DNAH8: variants seen among roughly 807,000 people sequenced by gnomAD.
DNAH8 encodes axonemal beta dynein heavy chain 8.
DNAH8 carries 382 observed loss-of-function variants against 562.1 expected under a neutral mutation model. The ratio of observed to expected loss-of-function variants is 0.68; its 90% confidence interval spans 0.63 to 0.74. DNAH8 has a LOEUF of 0.74. DNAH8 is among the 30% of genes least tolerant of loss of function. The pLI is 0.00. For missense variants in DNAH8, 5,203 were observed against 5,620.4 expected (o/e 0.93, Z 2.37); for synonymous variants, 1,881 against 1,919.4 (o/e 0.98, Z 0.52).
intron 79 of DNAH8, among the ~76,000 whole-genome samples, chr6:38,944,980 C>T (rs1583424756): frequency 6.6e-6 from 1 of 151,792 alleles, no homozygotes; most frequent in African/African-American, 2.4e-5. Context: ...AACCCTAACC[C>T]TAACCCTAAC....
rs115600936 is a variant in DNAH8, at chr6:39,001,681, T to A, written c.13215-7133T>A. ...AAGCTGGAGATAGAAAAAGGCTTAG[T>A]GATGAAAAAGGTTTGTATGCCATGT... is the stretch of plus-strand genomic sequence containing the variant. On this transcript the variant is annotated intron_variant, in intron 88 of 92. Coordinates refer to ENST00000327475, the MANE Select transcript of DNAH8 (RefSeq NM_001206927.2). Among the ~76,000 whole-genome samples the A allele has an allele frequency of 1.9e-3, 292 of 152,150 alleles. 3 individuals are homozygous for A. Among genetic ancestry groups the A allele is most frequent in the African/African-American group, 6.8e-3 (282 of 41,516 alleles).
chr6:38,732,436 C>T (rs892944836), intron 4 of DNAH8, among the ~76,000 whole-genome samples: 1 of 152,134 alleles, frequency 6.6e-6, no homozygotes, highest in African/African-American at 2.4e-5. Context: ...CCTGTGGAGC[C>T]TCTATGAATG....
chr6:38,936,024 A>ATTT (rs397958545), intron 77 of DNAH8, among the ~76,000 whole-genome samples: 1 of 140,100 alleles, frequency 7.1e-6, no homozygotes, highest in Non-Finnish European at 1.6e-5. Flanking sequence ...TGCTCAATCT[A>ATTT]TTTTTTTTTT....
intron 12 of DNAH8, among the ~76,000 whole-genome samples, chr6:38,774,617 G>A (rs1582969022): frequency 6.6e-6 from 1 of 152,172 alleles, no homozygotes; most frequent in Admixed American, 6.5e-5. Flanking sequence ...CAAAATAGAG[G>A]ACATGTTAGT....
chr6:38,834,648 C>T lies in DNAH8; in HGVS notation c.4365+7C>T. 4.4e-6 allele frequency: 7 copies of T among 1,602,216 alleles called. No individual in the cohort carries two copies. The highest frequency in any genetic ancestry group is 6.0e-6 in the Non-Finnish European group (7 of 1,173,824). On this transcript the variant is annotated splice_region_variant and intron_variant, in intron 32 of 92. Transcript: ENST00000327475. ...CAGGCTACAGATATTTCAGGTGAAA[C>T]CACATTTTTTTTGTTACATCGACAA...
chr6:38,750,355 A>T (rs1422083294), intron 8 of DNAH8, 121 bp from the exon 9 acceptor site: 1 of 516,608 alleles, frequency 1.9e-6, no homozygotes, highest in African/African-American at 2.0e-5. Context: ...TATATTAATC[A>T]CACTTAAATA....
chr6:39,012,754 C>A, intron 91 of DNAH8, 117 bp downstream of exon 91: 2 of 704,392 alleles, frequency 2.8e-6, no homozygotes, highest in Non-Finnish European at 4.9e-6. Context: ...CTGGGTGCTG[C>A]ACATAGCCAT....
intron 57 of DNAH8, among the ~76,000 whole-genome samples, chr6:38,888,808 C>T (rs779079890): frequency 6.6e-6 from 1 of 152,174 alleles, no homozygotes; most frequent in Non-Finnish European, 1.5e-5. Context: ...TGCTACAAAC[C>T]CTTTGGATAA....
At chr6:38,954,890 A>C (rs1453526218) in intron 82 of DNAH8, among the ~76,000 whole-genome samples, 3 of 152,190 alleles carry the variant, frequency 2.0e-5, no homozygotes, top group Non-Finnish European at 4.4e-5. Context: ...GGCTTGGATA[A>C]TTTTCTGATA....
intron 42 of DNAH8, among the ~76,000 whole-genome samples, chr6:38,860,026 TACTC>T (rs1347584279): frequency 6.6e-6 from 1 of 152,194 alleles, no homozygotes; most frequent in East Asian, 1.9e-4. Flanking sequence ...CTATAGCACT[TACTC>T]TTCCCACACC....
rs16890981 is a variant in DNAH8, at chr6:38,750,161, T to C, written c.1294-315T>C. Among the ~76,000 whole-genome samples, 412 of 152,324 alleles carry C rather than the reference T, an allele frequency of 2.7e-3. 3 individuals carry two copies. Among genetic ancestry groups the C allele is most frequent in the African/African-American group, 9.6e-3 (400 of 41,564 alleles). ...TGTTCTGTTTTAATAACTTGACCCATTCTTGAAGACCCAGAGTAATATAAT... is the reference window on the plus strand; with the variant it reads ...TGTTCTGTTTTAATAACTTGACCCACTCTTGAAGACCCAGAGTAATATAAT... On this transcript the variant is annotated intron_variant, in intron 8 of 92. Coordinates refer to ENST00000327475, the MANE Select transcript of DNAH8 (RefSeq NM_001206927.2).
At chr6:38,936,722 G>T (rs951672920) in intron 77 of DNAH8, among the ~76,000 whole-genome samples, 43 of 152,226 alleles carry the variant, frequency 2.8e-4, no homozygotes, top group African/African-American at 1.0e-3. Context: ...CAGAGCTGAG[G>T]GCTGCTCCCC....
At chr6:38,769,795 T>C (rs1386038899) in intron 11 of DNAH8, among the ~76,000 whole-genome samples, 1 of 152,244 alleles carries the variant, frequency 6.6e-6, no homozygotes, top group Non-Finnish European at 1.5e-5. Context: ...AATGGTGTTA[T>C]GATAAAGATT....
At chr6:38,923,243 A>G (rs1229118450) in intron 72 of DNAH8, 58 bp downstream of exon 72, 1 of 1,593,728 alleles carries the variant, frequency 6.3e-7, no homozygotes, top group Non-Finnish European at 8.5e-7. Flanking sequence ...GAGAACATAA[A>G]GTCCATTTCC....
intron 48 of DNAH8, 65 bp from the exon 49 acceptor site, chr6:38,870,335 TC>T: frequency 6.8e-7 from 1 of 1,469,254 alleles, no homozygotes; most frequent in Non-Finnish European, 9.4e-7. Context: ...ACTATGCACA[TC>T]CCAGCTAGCT....
At chr6:38,967,660 C>A (rs1455380501) in intron 82 of DNAH8, among the ~76,000 whole-genome samples, 1 of 152,122 alleles carries the variant, frequency 6.6e-6, no homozygotes, top group African/African-American at 2.4e-5. Flanking sequence ...ATCCAGTGTT[C>A]ATGGATCAGG....
At chr6:38,888,778 C>T (rs1779135205) in intron 57 of DNAH8, among the ~76,000 whole-genome samples, 1 of 152,218 alleles carries the variant, frequency 6.6e-6, no homozygotes, top group South Asian at 2.1e-4. Context: ...CTCTCATTGC[C>T]TGCTGGCCGT....
At chr6:38,888,479 A>G (rs1005892007) in intron 57 of DNAH8, among the ~76,000 whole-genome samples, 1 of 152,210 alleles carries the variant, frequency 6.6e-6, no homozygotes, top group Non-Finnish European at 1.5e-5. Flanking sequence ...AAATTTTAAC[A>G]CATATAATAA....
rs111754719 is a variant in DNAH8 at position 38,880,992 on chromosome 6, A to G, written c.7859-1918A>G. Among the ~76,000 whole-genome samples the G allele has an allele frequency of 3.3e-5, 5 of 152,222 alleles. No homozygotes were observed. In the South Asian group the frequency reaches 6.2e-4, roughly 19 times the overall value. ...CAGTGAGCTGAGATCGCACCACTAC[A>G]CTCCAGTCTGGGCCACAGAGGCAGA... On this transcript the variant is annotated intron_variant, in intron 53 of 92. Transcript: ENST00000327475.
Sources: allele counts gnomAD v4.1 joint callset (sites outside exome capture counted in the v4.1 genomes callset), GRCh38; gene constraint gnomAD v4.1.1; transcripts MANE v1.5; gene names NCBI Gene and HGNC (gene_info 2026-07-23, HGNC 2026-07-21).